Variants in SDK1 observed in about 807,000 individuals in gnomAD.
The protein encoded by SDK1 is protein sidekick-1.
SDK1 carries 157 observed loss-of-function variants against 245.5 expected under a neutral mutation model. That is an observed-to-expected ratio of 0.64 (90% CI 0.56 to 0.73). The LOEUF (loss-of-function observed/expected upper bound fraction) is 0.73. SDK1 is among the 30% of genes least tolerant of loss of function. SDK1 has a pLI of 0.00. For synonymous variants in SDK1, 1,647 were observed against 1,278.5 expected, an observed-to-expected ratio of 1.29 and a Z score of -6.15; for missense variants, 3,583 against 3,002.3, an observed-to-expected ratio of 1.19 and a Z score of -4.52.
At chr7:3,894,347 A>T (rs1781541083) in intron 5 of SDK1, among the ~76,000 whole-genome samples, 1 of 150,658 alleles carries the variant, frequency 6.6e-6, no homozygotes, top group African/African-American at 2.4e-5. Context: ...CTGAGCCAGG[A>T]GGTCTGGCGA....
intron 1 of SDK1, among the ~76,000 whole-genome samples, chr7:3,406,441 T>TGG (rs1391174279): frequency 1.3e-5 from 2 of 152,162 alleles, no homozygotes; most frequent in Admixed American, 6.5e-5. Context: ...TCCTCTCCAA[T>TGG]GGACTGGCTT....
intron 1 of SDK1, among the ~76,000 whole-genome samples, chr7:3,456,410 C>T (rs1780668538): frequency 6.6e-6 from 1 of 152,150 alleles, no homozygotes; most frequent in Admixed American, 6.6e-5. Context: ...TTCTCCCAGT[C>T]TGTTTTCTCT....
At chr7:3,869,365 AG>A (rs1780902862) in intron 5 of SDK1, among the ~76,000 whole-genome samples, 1 of 152,096 alleles carries the variant, frequency 6.6e-6, no homozygotes, top group South Asian at 2.1e-4. Context: ...CATGTTAGCC[AG>A]GCTGGTCTCA....
intron 5 of SDK1, among the ~76,000 whole-genome samples, chr7:3,822,966 G>A (rs1181278189): frequency 6.6e-6 from 1 of 152,004 alleles, no homozygotes; most frequent in Non-Finnish European, 1.5e-5. Flanking sequence ...CCAAGTGGCC[G>A]TGATGTGCTG....
chr7:3,764,938 CAT>C (rs1233890215), intron 4 of SDK1, among the ~76,000 whole-genome samples: 1 of 152,006 alleles, frequency 6.6e-6, no homozygotes, highest in Non-Finnish European at 1.5e-5. Context: ...TTTCATAAAA[CAT>C]GTTATATAGT....
chr7:3,869,736 C>G (rs1293966499), intron 5 of SDK1, among the ~76,000 whole-genome samples: 2 of 152,226 alleles, frequency 1.3e-5, no homozygotes, highest in African/African-American at 4.8e-5. Context: ...GAGACACTGG[C>G]TCTCTCAGGC....
chr7:3,950,918 C>T lies in SDK1; in HGVS notation c.848-5C>T. On this transcript the variant is annotated splice_region_variant and splice_polypyrimidine_tract_variant and intron_variant, in intron 5 of 44. Coordinates refer to ENST00000404826, the MANE Select transcript of SDK1 (RefSeq NM_152744.4). ...TCATGGACATTTCTCTTTTCTCTGCCACAGGAGATGTTGGCACACCTGAAA... is the reference window on the plus strand; with the variant it reads ...TCATGGACATTTCTCTTTTCTCTGCTACAGGAGATGTTGGCACACCTGAAA... The T allele has an allele frequency of 1.2e-6, 2 of 1,609,974 alleles. No individual in the cohort carries two copies. The highest frequency in any genetic ancestry group is 1.7e-6 in the Non-Finnish European group (2 of 1,176,360).
At chr7:4,242,779 C>T (rs570982240) in intron 43 of SDK1, among the ~76,000 whole-genome samples, 1 of 152,308 alleles carries the variant, frequency 6.6e-6, no homozygotes, top group South Asian at 2.1e-4. Flanking sequence ...TTTCCTCTTC[C>T]CTTTACTGTT....
Position 4,106,653 on chromosome 7 carries a change from G to C in SDK1, c.3325-4010G>C, listed in dbSNP as rs565970742. Among the ~76,000 whole-genome samples, 7 of 152,296 alleles carry C rather than the reference G, an allele frequency of 4.6e-5. No homozygotes were observed. In the South Asian group the frequency reaches 1.0e-3, roughly 23 times the overall value. On this transcript the variant is annotated intron_variant, in intron 22 of 44. Transcript: ENST00000404826. ...AGCATCTCTGCAGAGGGAGCCGCACGCCCGGCGTTCTCAGAGAAACCCGAT... is the reference window on the plus strand; with the variant it reads ...AGCATCTCTGCAGAGGGAGCCGCACCCCCGGCGTTCTCAGAGAAACCCGAT...
At chr7:3,670,736 A>G (rs2128662653) in intron 4 of SDK1, among the ~76,000 whole-genome samples, 1 of 152,318 alleles carries the variant, frequency 6.6e-6, no homozygotes. Flanking sequence ...GTACTGACTT[A>G]TCCTTCTGCA....
At chr7:3,375,094 G>A (rs1288124028) in intron 1 of SDK1, among the ~76,000 whole-genome samples, 8 of 152,032 alleles carry the variant, frequency 5.3e-5, no homozygotes, top group South Asian at 2.1e-4. Context: ...TGCTGCATAC[G>A]CATTTTCCGA....
intron 1 of SDK1, among the ~76,000 whole-genome samples, chr7:3,415,388 G>C (rs184593048): frequency 6.6e-6 from 1 of 152,132 alleles, no homozygotes; most frequent in Non-Finnish European, 1.5e-5. Flanking sequence ...GTGTAGAGAA[G>C]TTATATCTAT....
intron 1 of SDK1, among the ~76,000 whole-genome samples, chr7:3,381,693 ATGCTT>A (rs915649940): frequency 3.0e-4 from 45 of 152,298 alleles, no homozygotes; most frequent in Non-Finnish European, 3.8e-4. Flanking sequence ...CCCAGGGGAT[ATGCTT>A]TGAAGGAAGG....
chr7:3,616,537 C>G (rs1014839925), intron 1 of SDK1, among the ~76,000 whole-genome samples: 1 of 152,216 alleles, frequency 6.6e-6, no homozygotes, highest in Non-Finnish European at 1.5e-5. Flanking sequence ...CACTTTTGTT[C>G]TCAGCTCCTG....
chr7:3,536,594 T>C (rs1778894152), intron 1 of SDK1, among the ~76,000 whole-genome samples: 1 of 151,928 alleles, frequency 6.6e-6, no homozygotes, highest in African/African-American at 2.4e-5. Flanking sequence ...CTTGGGAGGC[T>C]GAGGCACAAG....
chr7:3,394,295 T>C (rs1194808644), intron 1 of SDK1, among the ~76,000 whole-genome samples: 1 of 152,176 alleles, frequency 6.6e-6, no homozygotes, highest in Non-Finnish European at 1.5e-5. Context: ...GTGAACGTAT[T>C]ATCTATTCCC....
intron 5 of SDK1, among the ~76,000 whole-genome samples, chr7:3,869,624 G>A (rs755528726): frequency 2.0e-5 from 3 of 152,106 alleles, no homozygotes; most frequent in Non-Finnish European, 2.9e-5. Context: ...CTCAGCACTC[G>A]GCTTCCACAG....
chr7:3,354,551 G>T (rs1010176699), intron 1 of SDK1, among the ~76,000 whole-genome samples: 1 of 152,148 alleles, frequency 6.6e-6, no homozygotes, highest in Non-Finnish European at 1.5e-5. Flanking sequence ...ATATTTTGTG[G>T]TGTCAGTGTA....
rs80303302 is a variant in SDK1 at position 3,310,582 on chromosome 7, A to C, written c.298+8698A>C. ...GCTTGCATGACTAGTTGGCTAGTAT[A>C]ACCATTCACTGAGGTTGGACCACCT... On this transcript the variant is annotated intron_variant, in intron 1 of 44. Transcript: ENST00000404826. 9.6e-3 allele frequency among the ~76,000 whole-genome samples: 1,466 copies of C among 152,310 alleles called. 25 individuals carry two copies. The highest frequency in any genetic ancestry group is 0.033 in the African/African-American group (1,381 of 41,552).
Sources: allele counts gnomAD v4.1 joint callset (sites outside exome capture counted in the v4.1 genomes callset), GRCh38; gene constraint gnomAD v4.1.1; transcripts MANE v1.5; gene names NCBI Gene and HGNC (gene_info 2026-07-23, HGNC 2026-07-21).